The following AGBL4 variants were observed in gnomAD, a reference collection of about 807,000 sequenced individuals.
AGBL4 encodes the protein AGBL carboxypeptidase 4.
In AGBL4, 58 loss-of-function variants were observed where a neutral mutation model predicts 66.4. The observed-to-expected ratio is 0.87, with a 90% CI of 0.71 to 1.09. The LOEUF (loss-of-function observed/expected upper bound fraction) is 1.09, where lower values mean the gene tolerates loss of function less well. Ranked by LOEUF, AGBL4 falls within the 50% of genes least tolerant of loss-of-function variation. The pLI, the probability that AGBL4 is intolerant of heterozygous loss-of-function variation, is 0.00. For missense variants in AGBL4, 579 were observed against 631.0 expected (o/e 0.92, Z 0.88); for synonymous variants, 234 against 222.9 (o/e 1.05, Z -0.44).
chr1:48,697,291 G>A (rs901874917), intron 6 of AGBL4, among the ~76,000 whole-genome samples: 1 of 152,144 alleles, frequency 6.6e-6, no homozygotes, highest in Non-Finnish European at 1.5e-5. Flanking sequence ...GCTGCCACCT[G>A]CTGGTGACTT....
chr1:48,531,518 CT>C (rs1244573556), downstream of AGBL4, among the ~76,000 whole-genome samples: 1 of 152,158 alleles, frequency 6.6e-6, no homozygotes. Flanking sequence ...AGTTCATGGT[CT>C]TCCAAAGGAA....
intron 3 of AGBL4, among the ~76,000 whole-genome samples, chr1:49,453,988 T>A (rs1646335644): frequency 6.6e-6 from 1 of 151,756 alleles, no homozygotes; most frequent in Non-Finnish European, 1.5e-5. Flanking sequence ...ATTTTAAAAT[T>A]TATCCGGAGC....
chr1:48,659,277 G>C (rs1035739629), intron 7 of AGBL4, among the ~76,000 whole-genome samples: 3 of 152,130 alleles, frequency 2.0e-5, no homozygotes, highest in African/African-American at 7.2e-5. Flanking sequence ...CCATTTTGCA[G>C]GTCAGGAAAT....
intron 8 of AGBL4, 65 bp from the exon 9 acceptor site, chr1:48,634,669 T>G: frequency 8.7e-7 from 1 of 1,149,412 alleles, no homozygotes. Context: ...CCTGTCAAAA[T>G]ATGCTTATGA....
chr1:48,902,549 G>A (rs1557443025), intron 5 of AGBL4, among the ~76,000 whole-genome samples: 1 of 152,102 alleles, frequency 6.6e-6, no homozygotes, highest in Non-Finnish European at 1.5e-5. Flanking sequence ...ACGAGTGAGG[G>A]CTAAAGGATG....
At chr1:49,721,934 G>C (rs1648641109) in intron 2 of AGBL4, among the ~76,000 whole-genome samples, 3 of 152,196 alleles carry the variant, frequency 2.0e-5, no homozygotes, top group Non-Finnish European at 4.4e-5. Flanking sequence ...GATTATCTGA[G>C]ATATGAGTTA....
intron 11 of AGBL4, chr1:48,583,856 T>TG (rs1362192524): frequency 3.3e-5 from 5 of 151,134 alleles, no homozygotes; most frequent in Admixed American, 6.6e-5. Context: ...AATGAGAGTT[T>TG]TTTTTTTTTT....
Position 48,975,478 on chromosome 1 carries a change from T to C in AGBL4, c.594+70106A>G, listed in dbSNP as rs374043008. Reference sequence around the variant, plus strand: ...AGGAAAACCACACAGAAGATTCCTATAGGTAAGAGAAACCATCTCAACTAT... The same window carrying C: ...AGGAAAACCACACAGAAGATTCCTACAGGTAAGAGAAACCATCTCAACTAT... On this transcript the variant is annotated intron_variant, in intron 5 of 13. Coordinates refer to ENST00000371839, the MANE Select transcript of AGBL4 (RefSeq NM_032785.4). 3.3e-5 allele frequency among the ~76,000 whole-genome samples: 5 copies of C among 152,246 alleles called. No individual in the cohort carries two copies. The South Asian group carries it at 1.0e-3, about 32-fold the overall frequency.
intron 3 of AGBL4, among the ~76,000 whole-genome samples, chr1:49,366,690 T>C (rs1334463739): frequency 2.0e-5 from 3 of 152,160 alleles, no homozygotes; most frequent in Non-Finnish European, 4.4e-5. Context: ...ACATCCCAAA[T>C]GAGTTCCCAT....
intron 4 of AGBL4, among the ~76,000 whole-genome samples, chr1:49,082,447 T>C (rs1571402264): frequency 6.6e-6 from 1 of 152,060 alleles, no homozygotes; most frequent in African/African-American, 2.4e-5. Context: ...TGGTGAAAGG[T>C]GAAGAAGGGG....
intron 5 of AGBL4, among the ~76,000 whole-genome samples, chr1:48,882,341 A>G (rs1570913583): frequency 6.6e-6 from 1 of 152,308 alleles, no homozygotes; most frequent in East Asian, 1.9e-4. Context: ...GTCTTCTTTT[A>G]AAACAAATTT....
At chr1:48,907,374 T>C (rs1652699522) in intron 5 of AGBL4, among the ~76,000 whole-genome samples, 1 of 152,236 alleles carries the variant, frequency 6.6e-6, no homozygotes, top group South Asian at 2.1e-4. Context: ...GCTGTCATAC[T>C]ATGTTGCTGA....
At chr1:48,979,460 C>T (rs557675908) in intron 5 of AGBL4, among the ~76,000 whole-genome samples, 6 of 152,094 alleles carry the variant, frequency 3.9e-5, no homozygotes, top group South Asian at 4.2e-4. Flanking sequence ...AAAAAAATCA[C>T]ATATGTAGTT....
rs185029541 is a variant in AGBL4 at position 49,244,571 on chromosome 1, G to A, written c.377+1199C>T. Reference sequence around the variant, plus strand: ...CCAAGTATCATTTGGAGATAAAAGCGCAATTCAGTATTTATGAATTGCTAG... The same window carrying A: ...CCAAGTATCATTTGGAGATAAAAGCACAATTCAGTATTTATGAATTGCTAG... On this transcript the variant is annotated intron_variant, in intron 4 of 13. Transcript: ENST00000371839. 3.6e-3 allele frequency among the ~76,000 whole-genome samples: 541 copies of A among 151,804 alleles called. 5 individuals are homozygous for A. The highest frequency in any genetic ancestry group is 0.01 in the African/African-American group (433 of 41,490).
chr1:49,719,565 G>A (rs910069463), intron 2 of AGBL4, among the ~76,000 whole-genome samples: 2 of 152,178 alleles, frequency 1.3e-5, no homozygotes, highest in East Asian at 1.9e-4. Context: ...GTCACCTTGC[G>A]TCACTGTATT....
chr1:48,549,942 G>A (rs572129155), intron 11 of AGBL4, among the ~76,000 whole-genome samples: 10 of 152,274 alleles, frequency 6.6e-5, no homozygotes, highest in Admixed American at 5.9e-4. Context: ...CAGGAACAGT[G>A]AGAGAGACTG....
At chr1:49,851,659 G>T in intron 1 of AGBL4, 141 bp from the exon 2 acceptor site, 1 of 751,436 alleles carries the variant, frequency 1.3e-6, no homozygotes. Flanking sequence ...GTGGTACAGT[G>T]AAAAAAGGCT....
At chr1:49,499,859 T>A (rs938233234) in intron 3 of AGBL4, among the ~76,000 whole-genome samples, 26 of 151,924 alleles carry the variant, frequency 1.7e-4, no homozygotes, top group African/African-American at 4.6e-4. Flanking sequence ...CAAGTGTCTA[T>A]CATATAGTGA....
At chr1:48,599,651 A>G (rs1645046246) in intron 9 of AGBL4, among the ~76,000 whole-genome samples, 1 of 152,224 alleles carries the variant, frequency 6.6e-6, no homozygotes, top group African/African-American at 2.4e-5. Context: ...TGTGGGAAGA[A>G]TCAAAGGTTT....
Sources: allele counts gnomAD v4.1 joint callset (sites outside exome capture counted in the v4.1 genomes callset), GRCh38; gene constraint gnomAD v4.1.1; transcripts MANE v1.5; gene names NCBI Gene and HGNC (gene_info 2026-07-23, HGNC 2026-07-21).